DIXDC1: variants seen among roughly 807,000 people sequenced by gnomAD.
The protein encoded by DIXDC1 is DIX domain containing 1.
A neutral mutation model predicts 103.1 loss-of-function variants in DIXDC1; 64 were observed. The observed-to-expected ratio is 0.62, with a 90% CI of 0.51 to 0.76. DIXDC1 has a LOEUF of 0.76. DIXDC1 is among the 30% of genes least tolerant of loss of function. The pLI is 0.00. For synonymous variants in DIXDC1, 266 were observed against 298.5 expected (o/e 0.89, Z 1.12); for missense variants, 759 against 834.2 (o/e 0.91, Z 1.11).
At chr11:111,997,246 T>C (rs1184941451) in intron 17 of DIXDC1, among the ~76,000 whole-genome samples, 1 of 152,208 alleles carries the variant, frequency 6.6e-6, no homozygotes, top group Non-Finnish European at 1.5e-5. Context: ...AATTTTTTTG[T>C]GGAGTAAATA....
At position 111,977,061 on chromosome 11, in the gene DIXDC1, G is replaced by A. The variant is rs1160172393; in HGVS notation, c.656+2078G>A. 1.8e-5 allele frequency: 3 copies of A among 166,628 alleles called. No individual in the cohort carries two copies. The highest frequency in any genetic ancestry group is 7.2e-5 in the African/African-American group (3 of 41,652). The allele number at this position is 166,628 out of a possible 1,614,324, so 10.3% of individuals were successfully genotyped here. On this transcript the variant is annotated intron_variant, in intron 5 of 19. Coordinates refer to ENST00000440460, the MANE Select transcript of DIXDC1 (RefSeq NM_001037954.4). The surrounding 1 kb of genome is among the most constrained non-coding windows in gnomAD (Gnocchi z 6.1). ...CACTCAGACCACTAGAGCCCTCCTCGTGATTCTGCCGATACGCGGCTCTTC... is the reference window on the plus strand; with the variant it reads ...CACTCAGACCACTAGAGCCCTCCTCATGATTCTGCCGATACGCGGCTCTTC...
chr11:111,995,997 T>C, intron 16 of DIXDC1, 83 bp from the exon 17 acceptor site: 1 of 1,281,924 alleles, frequency 7.8e-7, no homozygotes, highest in Non-Finnish European at 1.1e-6. Context: ...ATGTAGTATT[T>C]TAAGCACACT....
chr11:111,980,973 C>A, intron 6 of DIXDC1, 124 bp downstream of exon 6: 1 of 662,428 alleles, frequency 1.5e-6, no homozygotes, highest in Non-Finnish European at 2.5e-6. Context: ...GCAGGGTCAG[C>A]ACTAGAGGGC....
rs782414211 is a variant in DIXDC1, at chr11:111,974,274, G to A, written c.548+20G>A. On this transcript the variant is annotated intron_variant, in intron 4 of 19. Transcript: ENST00000440460. ...ACAGAGGTAAGGGTAGAAATCTGGGGGTGGGAACTGATCCCTCTCTCTGAT... is the reference window on the plus strand; with the variant it reads ...ACAGAGGTAAGGGTAGAAATCTGGGAGTGGGAACTGATCCCTCTCTCTGAT... 6.3e-6 allele frequency: 10 copies of A among 1,598,216 alleles called. No homozygotes were observed. Among genetic ancestry groups the A allele is most frequent in the Non-Finnish European group, 8.5e-6 (10 of 1,171,364 alleles).
intron 17 of DIXDC1, among the ~76,000 whole-genome samples, chr11:112,000,556 G>A (rs2137601763): frequency 6.6e-6 from 1 of 152,108 alleles, no homozygotes; most frequent in Middle Eastern, 3.4e-3. Flanking sequence ...AATTAGCTGG[G>A]CGTGGTGGTA....
chr11:111,946,917 C>A, intron 1 of DIXDC1: 1 of 216,374 alleles, frequency 4.6e-6, no homozygotes. Flanking sequence ...GACACTGTCC[C>A]CAGAATAAGC....
intron 1 of DIXDC1, among the ~76,000 whole-genome samples, chr11:111,940,978 G>A (rs587717794): frequency 2.6e-5 from 4 of 152,218 alleles, no homozygotes; most frequent in East Asian, 1.9e-4. Context: ...AGCCAGGCAC[G>A]GTGGTGCATG....
chr11:111,993,010 A>T lies in DIXDC1; in HGVS notation c.1272+6A>T. The T allele has an allele frequency of 6.3e-7, 1 of 1,598,004 alleles. No individual in the cohort carries two copies. The highest frequency in any genetic ancestry group is 8.5e-7 in the Non-Finnish European group (1 of 1,172,022). On this transcript the variant is annotated splice_donor_region_variant and intron_variant, in intron 12 of 19. Transcript: ENST00000440460. ...GGCTCTTGGGAGAATATAAAGTAAGAATGAATATCAGTTTGGAAATGACTT... is the reference window on the plus strand; with the variant it reads ...GGCTCTTGGGAGAATATAAAGTAAGTATGAATATCAGTTTGGAAATGACTT...
intron 17 of DIXDC1, among the ~76,000 whole-genome samples, chr11:112,003,800 A>G (rs1327751494): frequency 6.6e-6 from 1 of 151,506 alleles, no homozygotes; most frequent in African/African-American, 2.4e-5. Flanking sequence ...CTCTGTCTCA[A>G]AAAAAAAGGA....
Position 112,021,549 on chromosome 11 carries a change from TTC to T in DIXDC1, c.*2517_*2518del, listed in dbSNP as rs2137659550. The T allele has an allele frequency of 6.6e-6, 1 of 152,330 alleles. No individual in the cohort carries two copies. Among genetic ancestry groups the T allele is most frequent in the East Asian group, 1.9e-4 (1 of 5,192 alleles). The allele number at this position is 152,330 out of a possible 1,614,324, so 9.4% of individuals were successfully genotyped here. On this transcript the variant is annotated 3_prime_UTR_variant, in exon 20 of 20. Coordinates refer to ENST00000440460, the MANE Select transcript of DIXDC1 (RefSeq NM_001037954.4). ...TAGCTTGTCCTGCTACTTGCTAAAGTTCTCTTTCTTTGAGAAAACTGAGGAAC... is the reference window on the plus strand; with the variant it reads ...TAGCTTGTCCTGCTACTTGCTAAAGTTCTTTCTTTGAGAAAACTGAGGAAC...
chr11:111,994,401 A>G (rs1860808386), intron 14 of DIXDC1, among the ~76,000 whole-genome samples: 1 of 136,500 alleles, frequency 7.3e-6, no homozygotes. Flanking sequence ...CAAAACATAC[A>G]TATATATATA....
chr11:111,977,845 GGGGCAGGGCTGGA>G lies in DIXDC1; in HGVS notation c.656+2865_656+2877del. 1 of 1,527,896 alleles carries G rather than the reference GGGGCAGGGCTGGA, an allele frequency of 6.5e-7. No individual in the cohort carries two copies. Among genetic ancestry groups the G allele is most frequent in the Non-Finnish European group, 8.8e-7 (1 of 1,136,046 alleles). The allele number at this position is 1,527,896 out of a possible 1,614,324, so 94.6% of individuals were successfully genotyped here. The stretch of plus-strand genomic sequence containing the variant: ...GAAGTGGGGGGCCTGGGTGGGAACA[GGGGCAGGGCTGGA>G]GGATGCTGTTGGCCGGAGACAGGCG... On this transcript the variant is annotated intron_variant, in intron 5 of 19. Coordinates refer to ENST00000440460, the MANE Select transcript of DIXDC1 (RefSeq NM_001037954.4). This position sits in a 1 kb window ranked among gnomAD's most constrained non-coding sequence, Gnocchi z 6.1.
At chr11:111,956,433 T>C (rs1029963541) in intron 1 of DIXDC1, among the ~76,000 whole-genome samples, 2 of 152,198 alleles carry the variant, frequency 1.3e-5, no homozygotes, top group African/African-American at 4.8e-5. Context: ...TCAATATGAA[T>C]GAAGGTATCC....
chr11:111,993,615 C>A, intron 13 of DIXDC1, 27 bp downstream of exon 13: 1 of 1,613,932 alleles, frequency 6.2e-7, no homozygotes, highest in Non-Finnish European at 8.5e-7. Flanking sequence ...CCACTGACTT[C>A]CCTGCCTCTT....
At position 112,022,083 on chromosome 11, in the gene DIXDC1, T is replaced by G. The variant is rs1442561433; in HGVS notation, c.*3047T>G. The G allele has an allele frequency of 6.6e-6, 1 of 152,204 alleles. No individual in the cohort carries two copies. The highest frequency in any genetic ancestry group is 1.5e-5 in the Non-Finnish European group (1 of 68,026). 9.4% of individuals were successfully genotyped at this position (152,204 alleles called of 1,614,324 possible). On this transcript the variant is annotated 3_prime_UTR_variant, in exon 20 of 20. Transcript: ENST00000440460. The surrounding 1 kb of genome is among the most constrained non-coding windows in gnomAD (Gnocchi z 4.9). ...TTGGGATACTTTACAATTTTTACAT[T>G]TTTAAATTTGAAGAATTTGTTTTAA...
chr11:111,974,733 A>C, intron 4 of DIXDC1, 143 bp from the exon 5 acceptor site: 54 of 1,366,396 alleles, frequency 4.0e-5, no homozygotes, highest in Middle Eastern at 2.6e-4. Context: ...CTTCCCTGCT[A>C]GGTACCAAGT....
intron 17 of DIXDC1, among the ~76,000 whole-genome samples, chr11:112,002,446 A>T (rs1157564155): frequency 1.3e-5 from 2 of 152,216 alleles, no homozygotes; most frequent in African/African-American, 4.8e-5. Flanking sequence ...AAGAAAGGAA[A>T]TCAGTATATC....
At chr11:111,961,399 T>C (rs902184094) in intron 1 of DIXDC1, among the ~76,000 whole-genome samples, 18 of 152,254 alleles carry the variant, frequency 1.2e-4, no homozygotes, top group Admixed American at 9.2e-4. Context: ...TGGGTAACCA[T>C]GAACAAGTTA....
intron 1 of DIXDC1, among the ~76,000 whole-genome samples, chr11:111,955,974 A>G (rs1308790057): frequency 1.4e-5 from 2 of 145,228 alleles, no homozygotes; most frequent in East Asian, 3.9e-4. Flanking sequence ...AATGTGGTGC[A>G]TATATATATG....
Sources: allele counts gnomAD v4.1 joint callset (sites outside exome capture counted in the v4.1 genomes callset), GRCh38; gene constraint gnomAD v4.1.1; non-coding constraint Gnocchi (gnomAD v3.1); transcripts MANE v1.5; gene names NCBI Gene and HGNC (gene_info 2026-07-23, HGNC 2026-07-21).